Variants in ZMIZ1 observed in about 807,000 individuals in gnomAD.
ZMIZ1 encodes zinc finger MIZ-type containing 1, also known as zinc finger MIZ domain-containing protein 1.
A neutral mutation model predicts 113.9 loss-of-function variants in ZMIZ1; 17 were observed. The observed-to-expected ratio is 0.15, with a 90% CI of 0.10 to 0.22. ZMIZ1 has a LOEUF of 0.22. Among genes scored for constraint, ZMIZ1 ranks in the 10% least tolerant of loss-of-function variants. ZMIZ1 has a pLI of 1.00. For synonymous variants in ZMIZ1, 607 were observed against 603.1 expected (o/e 1.01, Z -0.09); for missense variants, 1,059 against 1,477.8 (o/e 0.72, Z 4.65).
In ZMIZ1 at chr10:79,069,092, C is replaced by CCGAG. The variant is rs1343650678; in HGVS notation, c.-505_-502dup. On this transcript the variant is annotated 5_prime_UTR_variant, in exon 1 of 25. Coordinates refer to ENST00000334512, the MANE Select transcript of ZMIZ1 (RefSeq NM_020338.4). The surrounding 1 kb of genome is among the most constrained non-coding windows in gnomAD (Gnocchi z 4.6). ...AGGCGGGCGAGCAGCGATCGGGCGG[C>CCGAG]CGAGCGAGCGAGCAACGCCGGCGCA... 2.7e-5 allele frequency: 4 copies of CCGAG among 150,652 alleles called. No individual in the cohort carries two copies. Among genetic ancestry groups the CCGAG allele is most frequent in the African/African-American group, 4.9e-5 (2 of 41,042 alleles). 9.3% of individuals were successfully genotyped at this position (150,652 alleles called of 1,614,324 possible).
At chr10:79,087,227 A>G (rs945175299) in intron 1 of ZMIZ1, among the ~76,000 whole-genome samples, 2 of 152,234 alleles carry the variant, frequency 1.3e-5, no homozygotes, top group Admixed American at 1.3e-4. Flanking sequence ...CTCACATTAT[A>G]CATGTATTAG....
At chr10:79,134,262 C>T (rs902777252) in intron 2 of ZMIZ1, among the ~76,000 whole-genome samples, 10 of 152,178 alleles carry the variant, frequency 6.6e-5, no homozygotes, top group African/African-American at 2.4e-4. Context: ...ACCTGTGGCT[C>T]ACTCACCGCT....
chr10:79,279,429 C>T (rs1852551954), intron 8 of ZMIZ1, among the ~76,000 whole-genome samples: 1 of 151,980 alleles, frequency 6.6e-6, no homozygotes, highest in African/African-American at 2.4e-5. Flanking sequence ...AGACGCTCCT[C>T]ACTTCCTAGA....
intron 2 of ZMIZ1, among the ~76,000 whole-genome samples, chr10:79,130,190 T>C (rs917608031): frequency 6.6e-6 from 1 of 152,200 alleles, no homozygotes; most frequent in East Asian, 1.9e-4. Flanking sequence ...CCCTGAGCCC[T>C]TTCCAGCCCT....
intron 7 of ZMIZ1, among the ~76,000 whole-genome samples, chr10:79,223,907 C>T (rs1454102364): frequency 4.6e-5 from 7 of 152,140 alleles, no homozygotes; most frequent in Admixed American, 4.6e-4. Flanking sequence ...GGTTTATGGA[C>T]ACAGTGTTCC....
intron 10 of ZMIZ1, among the ~76,000 whole-genome samples, chr10:79,291,394 A>T (rs767264967): frequency 5.9e-5 from 9 of 152,224 alleles, no homozygotes; most frequent in Admixed American, 3.9e-4. Flanking sequence ...CAGTCGTCAG[A>T]CTCGTAGAAA....
At chr10:79,310,830 T>C in intron 23 of ZMIZ1, 94 bp from the exon 24 acceptor site, 1 of 1,417,898 alleles carries the variant, frequency 7.1e-7, no homozygotes, top group East Asian at 2.5e-5. Flanking sequence ...GGGTTGTGAC[T>C]TCCCTGGTTG....
chr10:79,233,125 G>T (rs940913082), intron 7 of ZMIZ1, among the ~76,000 whole-genome samples: 1 of 152,218 alleles, frequency 6.6e-6, no homozygotes, highest in Non-Finnish European at 1.5e-5. Flanking sequence ...GCCCAAGGGG[G>T]GTGTGGGCTC....
At chr10:79,174,448 G>A (rs553496440) in intron 4 of ZMIZ1, among the ~76,000 whole-genome samples, 4 of 152,218 alleles carry the variant, frequency 2.6e-5, no homozygotes, top group African/African-American at 9.6e-5. Context: ...CCATTTGATG[G>A]GCAGTGGGGA....
At chr10:79,215,073 T>C (rs2132708361) in intron 6 of ZMIZ1, among the ~76,000 whole-genome samples, 1 of 152,230 alleles carries the variant, frequency 6.6e-6, no homozygotes, top group Middle Eastern at 3.4e-3. Context: ...ACCTTCAGGC[T>C]CCAAACACAC....
intron 6 of ZMIZ1, among the ~76,000 whole-genome samples, chr10:79,214,742 G>A (rs11002872): frequency 0.12 from 17,503 of 152,090 alleles, 1,221 homozygotes; most frequent in East Asian, 0.3. Flanking sequence ...ACCACATCTG[G>A]GTGCTCTCCC....
intron 21 of ZMIZ1, among the ~76,000 whole-genome samples, 160 bp downstream of exon 21, chr10:79,305,761 T>C (rs905638005): frequency 6.6e-6 from 1 of 152,074 alleles, no homozygotes; most frequent in Non-Finnish European, 1.5e-5. Flanking sequence ...CGGGGGCCTC[T>C]GGATCTGGGG....
At position 79,085,334 on chromosome 10, in the gene ZMIZ1, G is replaced by T. The variant is rs558396944; in HGVS notation, c.-337+16064G>T. Among the ~76,000 whole-genome samples, 34 of 152,340 alleles carry T rather than the reference G, an allele frequency of 2.2e-4. No homozygotes were observed. The South Asian group carries it at 6.2e-3, about 28-fold the overall frequency. On this transcript the variant is annotated intron_variant, in intron 1 of 24. Transcript: ENST00000334512. ...CTCGGATGTAGCCTCCTCAAGCTGGGGGTGGGGGTCAAGGGGCCAACATGC... is the reference window on the plus strand; with the variant it reads ...CTCGGATGTAGCCTCCTCAAGCTGGTGGTGGGGGTCAAGGGGCCAACATGC...
intron 12 of ZMIZ1, chr10:79,295,193 A>T (rs1853803503): frequency 1.3e-5 from 2 of 151,928 alleles, no homozygotes; most frequent in African/African-American, 2.4e-5. Flanking sequence ...TGCATCTGTT[A>T]GCCCACGCCA....
At chr10:79,293,773 G>A in intron 12 of ZMIZ1, 120 bp downstream of exon 12, 1 of 1,487,722 alleles carries the variant, frequency 6.7e-7, no homozygotes, top group Non-Finnish European at 9.3e-7. Context: ...TGGACAAAGA[G>A]GCAGGGGCTT....
At chr10:79,106,973 T>C (rs541486179) in intron 1 of ZMIZ1, among the ~76,000 whole-genome samples, 1 of 152,386 alleles carries the variant, frequency 6.6e-6, no homozygotes, top group Non-Finnish European at 1.5e-5. Flanking sequence ...TCCTGGCTGC[T>C]GTGGATATAG....
chr10:79,114,333 G>C (rs970874880), intron 1 of ZMIZ1, among the ~76,000 whole-genome samples: 2 of 152,252 alleles, frequency 1.3e-5, no homozygotes, highest in Non-Finnish European at 2.9e-5. Context: ...CTCCGGTTTA[G>C]CGGGCTAAAT....
intron 4 of ZMIZ1, among the ~76,000 whole-genome samples, chr10:79,196,707 T>TG (rs528702091): frequency 8.4e-4 from 128 of 152,352 alleles, no homozygotes; most frequent in African/African-American, 3.0e-3. Flanking sequence ...GCCAGCTGGG[T>TG]GGATCTAAGC....
At chr10:79,244,783 G>A (rs929667649) in intron 7 of ZMIZ1, among the ~76,000 whole-genome samples, 1 of 152,230 alleles carries the variant, frequency 6.6e-6, no homozygotes, top group Non-Finnish European at 1.5e-5. Flanking sequence ...TCTGGCTGAG[G>A]AGTGAGTTGG....
Sources: gnomAD v4.1 joint callset for allele counts (sites outside exome capture counted in the v4.1 genomes callset) on GRCh38, gnomAD v4.1.1 for gene constraint, Gnocchi (gnomAD v3.1) non-coding constraint, MANE v1.5 for transcripts, NCBI Gene and HGNC (gene_info 2026-07-23, HGNC 2026-07-21) for gene names.